The following PCDHGB5 variants were observed in gnomAD, a reference collection of about 807,000 sequenced individuals.
PCDHGB5 encodes the protein protocadherin gamma-B5.
Under a neutral mutation model 62.9 loss-of-function variants are expected in PCDHGB5, and 48 were observed. That is an observed-to-expected ratio of 0.76 (90% CI 0.61 to 0.97). The LOEUF is 0.97. Ranked by LOEUF, PCDHGB5 falls within the 50% of genes least tolerant of loss-of-function variation. PCDHGB5 has a pLI of 0.00. For missense variants in PCDHGB5, 1,118 were observed against 1,198.6 expected (o/e 0.93, Z 0.99); for synonymous variants, 474 against 511.2 (o/e 0.93, Z 0.98).
chr5:141,414,644 A>C lies in PCDHGB5; in HGVS notation c.2397+14120A>C, dbSNP rs1310121141. 6.2e-7 allele frequency: 1 copy of C among 1,613,982 alleles called. No individual in the cohort carries two copies. Among genetic ancestry groups the C allele is most frequent in the Non-Finnish European group, 8.5e-7 (1 of 1,179,894 alleles). ...GACCCGGACAGCAAAGAGAATGCCC[A>C]GATTATTTACTCCCTGGCTGAAGAC... On this transcript the variant is annotated intron_variant, in intron 1 of 3. Transcript: ENST00000617380.
chr5:141,421,787 C>T (rs753196648), intron 1 of PCDHGB5: 8 of 1,613,694 alleles, frequency 5.0e-6, no homozygotes, highest in East Asian at 2.2e-5. Context: ...CGGGGCAGAA[C>T]GGATGGGGCC....
Position 141,491,898 on chromosome 5 carries a change from G to C in PCDHGB5, c.2398-2909G>C, listed in dbSNP as rs772673872. 9.0e-5 allele frequency: 129 copies of C among 1,428,816 alleles called. 1 individual carries two copies. In the Middle Eastern group the frequency reaches 2.0e-3, roughly 22 times the overall value. The allele number at this position is 1,428,816 out of a possible 1,614,324, so 88.5% of individuals were successfully genotyped here. On this transcript the variant is annotated intron_variant, in intron 1 of 3. Coordinates refer to ENST00000617380, the MANE Select transcript of PCDHGB5 (RefSeq NM_018925.3). The surrounding 1 kb of genome is among the most constrained non-coding windows in gnomAD (Gnocchi z 6.9). ...ATTAAGGGATGGGGCTCCGAGCACCGGGGGTGGTGGCGACTGTGGGCGAGG... is the reference window on the plus strand; with the variant it reads ...ATTAAGGGATGGGGCTCCGAGCACCCGGGGTGGTGGCGACTGTGGGCGAGG...
At position 141,431,952 on chromosome 5, in the gene PCDHGB5, AC is replaced by A; in HGVS notation, c.2397+31429del. ...CTGCCCTTTAAATTAGAAAAATCTTACGGAAATTACTATAGTTTAGTCACAG... is the reference window on the plus strand; with the variant it reads ...CTGCCCTTTAAATTAGAAAAATCTTAGGAAATTACTATAGTTTAGTCACAG... On this transcript the variant is annotated intron_variant, in intron 1 of 3. Transcript: ENST00000617380. This position sits in a 1 kb window ranked among gnomAD's most constrained non-coding sequence, Gnocchi z 4.8. 1 of 1,614,166 alleles carries A rather than the reference AC, an allele frequency of 6.2e-7. No homozygotes were observed. The highest frequency in any genetic ancestry group is 1.1e-5 in the South Asian group (1 of 91,090).
intron 1 of PCDHGB5, among the ~76,000 whole-genome samples, chr5:141,462,009 G>C (rs2099028674): frequency 6.6e-6 from 1 of 152,190 alleles, no homozygotes; most frequent in Non-Finnish European, 1.5e-5. Flanking sequence ...TTTTAATAGA[G>C]ACGGGGTTTC....
At chr5:141,404,150 G>T in intron 1 of PCDHGB5, 1 of 1,612,828 alleles carries the variant, frequency 6.2e-7, no homozygotes, top group South Asian at 1.1e-5. Flanking sequence ...TTCAGAAGAA[G>T]ATTATTACAG....
chr5:141,421,837 G>A, intron 1 of PCDHGB5: 1 of 1,613,782 alleles, frequency 6.2e-7, no homozygotes. Flanking sequence ...CCTGGACCGA[G>A]AGAAAGAGGC....
chr5:141,443,207 C>T (rs907169095), intron 1 of PCDHGB5, among the ~76,000 whole-genome samples: 5 of 152,064 alleles, frequency 3.3e-5, no homozygotes, highest in African/African-American at 1.2e-4. Context: ...AAGAGCTTGT[C>T]TCGCCAGGCG....
intron 1 of PCDHGB5, chr5:141,410,703 C>G (rs763776263): frequency 1.1e-5 from 16 of 1,467,494 alleles, no homozygotes; most frequent in Non-Finnish European, 9.1e-7. Flanking sequence ...ATTTTCATAT[C>G]TAGAATCATA....
rs759272109 is a variant in PCDHGB5, at chr5:141,420,170, G to A, written c.2397+19646G>A. ...TCCAGAATTTAATTTTTTCACATCTGTTGATCATTGTCCAGCCACACAAGA... is the reference window on the plus strand; with the variant it reads ...TCCAGAATTTAATTTTTTCACATCTATTGATCATTGTCCAGCCACACAAGA... On this transcript the variant is annotated intron_variant, in intron 1 of 3. Coordinates refer to ENST00000617380, the MANE Select transcript of PCDHGB5 (RefSeq NM_018925.3). 22 of 1,613,846 alleles carry A rather than the reference G, an allele frequency of 1.4e-5. No homozygotes were observed. Among genetic ancestry groups the A allele is most frequent in the Non-Finnish European group, 1.8e-5 (21 of 1,179,888 alleles).
At chr5:141,422,122 A>C in intron 1 of PCDHGB5, 1 of 1,601,714 alleles carries the variant, frequency 6.2e-7, no homozygotes, top group Non-Finnish European at 8.5e-7. Context: ...GGATTCACAA[A>C]CTGGAGAAGT....
intron 1 of PCDHGB5, chr5:141,475,937 C>G (rs970582600): frequency 2.8e-5 from 19 of 676,764 alleles, no homozygotes; most frequent in African/African-American, 1.8e-4. Context: ...GGCCCCTGCC[C>G]GTCCCCTTTC....
rs768509409 is a variant in PCDHGB5 at position 141,489,236 on chromosome 5, G to C, written c.2398-5571G>C. 1 of 1,531,176 alleles carries C rather than the reference G, an allele frequency of 6.5e-7. No homozygotes were observed. 94.8% of individuals were successfully genotyped at this position (1,531,176 alleles called of 1,614,324 possible). On this transcript the variant is annotated intron_variant, in intron 1 of 3. Transcript: ENST00000617380. The surrounding 1 kb of genome is among the most constrained non-coding windows in gnomAD (Gnocchi z 4.5). The stretch of plus-strand genomic sequence containing the variant: ...ACTTACTCTCCACAAAGGGACTTCT[G>C]GGTCATGGGGCCCAAGACACTCCCA...
intron 1 of PCDHGB5, chr5:141,478,523 G>A: frequency 1.2e-6 from 2 of 1,609,908 alleles, no homozygotes; most frequent in Non-Finnish European, 1.7e-6. Flanking sequence ...GGTGTTGGGT[G>A]CAGAGAGCGC....
In PCDHGB5 at chr5:141,476,702, C is replaced by A. The variant is rs751321222; in HGVS notation, c.2398-18105C>A. 1.4e-5 allele frequency: 23 copies of A among 1,614,104 alleles called. No individual in the cohort carries two copies. Among genetic ancestry groups the A allele is most frequent in the Non-Finnish European group, 1.7e-5 (20 of 1,180,050 alleles). ...GGAGGACAGCACCAAGTACGCGGAG[C>A]TGGTGTTGGAGCGCGCCCTGGACCG... is the stretch of plus-strand genomic sequence containing the variant. On this transcript the variant is annotated intron_variant, in intron 1 of 3. Coordinates refer to ENST00000617380, the MANE Select transcript of PCDHGB5 (RefSeq NM_018925.3). The surrounding 1 kb of genome is among the most constrained non-coding windows in gnomAD (Gnocchi z 7.6).
chr5:141,484,333 A>T (rs1019527273), intron 1 of PCDHGB5, among the ~76,000 whole-genome samples: 2 of 152,198 alleles, frequency 1.3e-5, no homozygotes, highest in Non-Finnish European at 2.9e-5. Flanking sequence ...CCTTGAAATC[A>T]ATGAATGGTA....
Position 141,505,463 on chromosome 5 carries a change from A to G in PCDHGB5, c.2527A>G (p.Ile843Val). 1 of 1,614,184 alleles carries G rather than the reference A, an allele frequency of 6.2e-7. No homozygotes were observed. Among genetic ancestry groups the G allele is most frequent in the East Asian group, 2.2e-5 (1 of 44,876 alleles). Residue 843 changes from isoleucine to valine, a missense_variant, in exon 3 of 4, where the codon ATC (isoleucine) becomes GTC (valine). Ile to Val is a conservative substitution (Grantham distance 29). Transcript: ENST00000617380. Reference protein sequence around the residue: ...QFDTEMLQAMILASASEAADG... With the variant: ...QFDTEMLQAMVLASASEAADG... ...TGACACAGAGATGCTGCAAGCCATG[A>G]TCTTGGCGTCCGCCAGTGGTAAGTG...
At chr5:141,469,770 A>G (rs1003620088) in intron 1 of PCDHGB5, among the ~76,000 whole-genome samples, 4 of 152,234 alleles carry the variant, frequency 2.6e-5, no homozygotes, top group Non-Finnish European at 5.9e-5. Flanking sequence ...ATACCAGCTT[A>G]TTTATTACAG....
intron 1 of PCDHGB5, chr5:141,415,234 A>G: frequency 1.2e-6 from 2 of 1,614,136 alleles, no homozygotes; most frequent in Non-Finnish European, 1.7e-6. Context: ...GTCTCCAGCT[A>G]ACTCTGAAAC....
In PCDHGB5 at chr5:141,431,985, T is replaced by A. The variant is rs1354693325; in HGVS notation, c.2397+31461T>A. 1 of 1,614,202 alleles carries A rather than the reference T, an allele frequency of 6.2e-7. No homozygotes were observed. The highest frequency in any genetic ancestry group is 1.7e-5 in the Admixed American group (1 of 60,030). ...TACTATAGTTTAGTCACAGACATAG[T>A]CTTGGATAGGGAACAGGTTCCTAGC... On this transcript the variant is annotated intron_variant, in intron 1 of 3. Coordinates refer to ENST00000617380, the MANE Select transcript of PCDHGB5 (RefSeq NM_018925.3). This position sits in a 1 kb window ranked among gnomAD's most constrained non-coding sequence, Gnocchi z 4.8.
Sources: allele counts gnomAD v4.1 joint callset (sites outside exome capture counted in the v4.1 genomes callset), GRCh38; gene constraint gnomAD v4.1.1; non-coding constraint Gnocchi (gnomAD v3.1); transcripts MANE v1.5; gene names NCBI Gene and HGNC (gene_info 2026-07-23, HGNC 2026-07-21).